Variants in CHRM3 observed in about 807,000 individuals in gnomAD.
CHRM3 encodes the protein muscarinic acetylcholine receptor M3.
CHRM3 carries 11 observed loss-of-function variants against 41.8 expected under a neutral mutation model. That is an observed-to-expected ratio of 0.26 (90% CI 0.17 to 0.44). CHRM3 has a LOEUF of 0.44. CHRM3 is among the 20% of genes least tolerant of loss of function. CHRM3 has a pLI of 1.00. For synonymous variants in CHRM3, 297 were observed against 301.4 expected (o/e 0.99, Z 0.15); for missense variants, 571 against 745.4 (o/e 0.77, Z 2.72).
At chr1:239,708,247 C>A (rs939244911) in intron 5 of CHRM3, among the ~76,000 whole-genome samples, 8 of 152,188 alleles carry the variant, frequency 5.3e-5, no homozygotes, top group Non-Finnish European at 1.2e-4. Context: ...GCTCTTCTTT[C>A]ATGCTCCCAG....
intron 4 of CHRM3, among the ~76,000 whole-genome samples, chr1:239,652,293 A>G (rs1282080047): frequency 6.6e-6 from 1 of 152,170 alleles, no homozygotes; most frequent in African/African-American, 2.4e-5. Context: ...GCACATTAAA[A>G]TTTGAGAAGC....
At chr1:239,701,762 T>C (rs975560061) in intron 5 of CHRM3, among the ~76,000 whole-genome samples, 1 of 152,128 alleles carries the variant, frequency 6.6e-6, no homozygotes, top group Non-Finnish European at 1.5e-5. Flanking sequence ...ACCCACCCAT[T>C]GTTCTATGCA....
At chr1:239,592,947 C>T (rs572975975) in intron 3 of CHRM3, among the ~76,000 whole-genome samples, 7 of 152,150 alleles carry the variant, frequency 4.6e-5, no homozygotes, top group Admixed American at 3.3e-4. Flanking sequence ...GCTCCTCCCC[C>T]GATGCACTGT....
intron 5 of CHRM3, among the ~76,000 whole-genome samples, chr1:239,725,452 A>G (rs1042769463): frequency 1.3e-5 from 2 of 151,916 alleles, no homozygotes; most frequent in African/African-American, 4.8e-5. Flanking sequence ...ATGCAGCAGG[A>G]TATACTTTTT....
intron 3 of CHRM3, among the ~76,000 whole-genome samples, chr1:239,612,658 T>C (rs1667201857): frequency 6.6e-6 from 1 of 152,214 alleles, no homozygotes; most frequent in Non-Finnish European, 1.5e-5. Context: ...TTCTCCAGGC[T>C]TTCTTTCCCA....
chr1:239,781,077 T>A (rs1435533157), intron 5 of CHRM3, among the ~76,000 whole-genome samples: 1 of 152,184 alleles, frequency 6.6e-6, no homozygotes, highest in Non-Finnish European at 1.5e-5. Flanking sequence ...AATATTGTAT[T>A]GATTATTCTG....
intron 6 of CHRM3, among the ~76,000 whole-genome samples, chr1:239,890,661 T>C (rs1412399997): frequency 6.6e-6 from 1 of 152,186 alleles, no homozygotes; most frequent in African/African-American, 2.4e-5. Context: ...CATCCTGAAA[T>C]ATCACAATTC....
chr1:239,895,102 T>A (rs1048048441), intron 6 of CHRM3, among the ~76,000 whole-genome samples: 2 of 152,218 alleles, frequency 1.3e-5, no homozygotes, highest in Non-Finnish European at 2.9e-5. Context: ...GATGGACATT[T>A]GAAGAGATGA....
intron 5 of CHRM3, among the ~76,000 whole-genome samples, chr1:239,786,590 T>C (rs1471639416): frequency 1.3e-5 from 2 of 152,190 alleles, no homozygotes; most frequent in Non-Finnish European, 2.9e-5. Context: ...GAGCCTTACC[T>C]AAGCAGCTCA....
At chr1:239,716,598 C>T (rs16838801) in intron 5 of CHRM3, among the ~76,000 whole-genome samples, 2,482 of 152,026 alleles carry the variant, frequency 0.016, 73 homozygotes, top group African/African-American at 0.057. Context: ...AACAGTGTGA[C>T]TCTCAAAAGA....
chr1:239,606,361 C>T (rs984414605), intron 3 of CHRM3, among the ~76,000 whole-genome samples: 19 of 151,982 alleles, frequency 1.3e-4, no homozygotes, highest in African/African-American at 3.4e-4. Context: ...CTGCTACCTC[C>T]GCCTCCTGGG....
intron 5 of CHRM3, among the ~76,000 whole-genome samples, chr1:239,681,912 A>G (rs1167626263): frequency 6.6e-6 from 1 of 152,172 alleles, no homozygotes; most frequent in African/African-American, 2.4e-5. Context: ...GAAAGATGTT[A>G]TAAGGTGTTG....
At chr1:239,865,910 G>A (rs1464268490) in intron 6 of CHRM3, among the ~76,000 whole-genome samples, 1 of 152,176 alleles carries the variant, frequency 6.6e-6, no homozygotes, top group Admixed American at 6.5e-5. Flanking sequence ...GCCCAGGACA[G>A]AGTAGGGAGG....
At chr1:239,834,605 T>G (rs142137542) in intron 6 of CHRM3, among the ~76,000 whole-genome samples, 3 of 152,288 alleles carry the variant, frequency 2.0e-5, no homozygotes, top group Admixed American at 2.0e-4. Flanking sequence ...TCCTTCTACT[T>G]TAGGTGAATC....
At chr1:239,673,940 C>T (rs956055088) in intron 4 of CHRM3, among the ~76,000 whole-genome samples, 1 of 152,138 alleles carries the variant, frequency 6.6e-6, no homozygotes, top group South Asian at 2.1e-4. Flanking sequence ...ATCTAAAACA[C>T]TCCAAAATCC....
intron 1 of CHRM3, among the ~76,000 whole-genome samples, chr1:239,487,751 T>C (rs1404623672): frequency 6.6e-6 from 1 of 151,174 alleles, no homozygotes; most frequent in Non-Finnish European, 1.5e-5. Flanking sequence ...ATCAAATGTA[T>C]AAATCTTCAT....
chr1:239,830,057 T>C (rs1672773547), intron 6 of CHRM3, among the ~76,000 whole-genome samples: 1 of 152,086 alleles, frequency 6.6e-6, no homozygotes, highest in Admixed American at 6.6e-5. Flanking sequence ...GGAACTGTCA[T>C]TTAGGATGGA....
chr1:239,615,393 TG>T (rs991361042), intron 3 of CHRM3, among the ~76,000 whole-genome samples: 2 of 152,202 alleles, frequency 1.3e-5, no homozygotes, highest in African/African-American at 4.8e-5. Context: ...TGTACAGCCC[TG>T]GGGCTCCCAC....
At chr1:239,437,367 T>C (rs1038044291) in intron 1 of CHRM3, among the ~76,000 whole-genome samples, 1 of 152,156 alleles carries the variant, frequency 6.6e-6, no homozygotes, top group Admixed American at 6.5e-5. Flanking sequence ...GTTGGGATTA[T>C]AGGCATGAGC....
Sources: allele counts gnomAD v4.1 joint callset (sites outside exome capture counted in the v4.1 genomes callset), GRCh38; gene constraint gnomAD v4.1.1; transcripts MANE v1.5; gene names NCBI Gene and HGNC (gene_info 2026-07-23, HGNC 2026-07-21).